Variants in MAPKAP1 observed in about 807,000 individuals in gnomAD.
MAPKAP1 encodes the protein MAPK associated protein 1.
Under a neutral mutation model 65.7 loss-of-function variants are expected in MAPKAP1, and 20 were observed. The ratio of observed to expected loss-of-function variants is 0.30; its 90% CI spans 0.21 to 0.44. The LOEUF (loss-of-function observed/expected upper bound fraction) is 0.44, where lower values mean the gene tolerates loss of function less well. Ranked by LOEUF, MAPKAP1 falls within the 20% of genes least tolerant of loss-of-function variation. MAPKAP1 has a pLI of 1.00. For synonymous variants in MAPKAP1, 222 were observed against 244.3 expected (o/e 0.91, Z 0.85); for missense variants, 423 against 648.0 (o/e 0.65, Z 3.77).
intron 6 of MAPKAP1, among the ~76,000 whole-genome samples, chr9:125,551,834 G>A (rs1830593795): frequency 1.3e-5 from 2 of 152,250 alleles, no homozygotes; most frequent in East Asian, 1.9e-4. Context: ...ATGGGAGAAG[G>A]AGACGAACAA....
chr9:125,669,882 T>C lies in MAPKAP1; in HGVS notation c.285A>G (p.Lys95=), dbSNP rs1834446442. 2 of 1,598,486 alleles carry C rather than the reference T, an allele frequency of 1.3e-6. No homozygotes were observed. Among genetic ancestry groups the C allele is most frequent in the African/African-American group, 1.3e-5 (1 of 74,684 alleles). Residue 95 remains lysine (K), a synonymous_variant, in exon 3 of 12, where the codon AAA becomes AAG. Coordinates refer to ENST00000265960, the MANE Select transcript of MAPKAP1 (RefSeq NM_001006617.3). ...TGCATTTGATCTGGTTTTGTCTCTC[T>C]TTTCGGAGTCGTTCTAATCTTTGAG... is the stretch of plus-strand genomic sequence containing the variant. ...NTAQRLERLR[K]ERQNQIKCKN...
At chr9:125,457,739 G>A (rs1047114537) in intron 10 of MAPKAP1, among the ~76,000 whole-genome samples, 7 of 152,206 alleles carry the variant, frequency 4.6e-5, no homozygotes, top group Non-Finnish European at 1.0e-4. Flanking sequence ...TCTAAGATAT[G>A]GCCTTCCTGG....
At chr9:125,582,623 T>C (rs947633865) in intron 5 of MAPKAP1, among the ~76,000 whole-genome samples, 2 of 152,200 alleles carry the variant, frequency 1.3e-5, no homozygotes, top group African/African-American at 4.8e-5. Context: ...AGGTCCTGGT[T>C]GCACTGCTCT....
chr9:125,612,035 T>C (rs1832615171), intron 4 of MAPKAP1, among the ~76,000 whole-genome samples: 1 of 152,204 alleles, frequency 6.6e-6, no homozygotes, highest in African/African-American at 2.4e-5. Flanking sequence ...GTAACCCTAA[T>C]CCAAAAATCC....
At chr9:125,618,609 A>C (rs1832811132) in intron 4 of MAPKAP1, among the ~76,000 whole-genome samples, 1 of 152,190 alleles carries the variant, frequency 6.6e-6, no homozygotes, top group South Asian at 2.1e-4. Flanking sequence ...GAATGGAAGA[A>C]AAAAGAATAC....
Position 125,438,860 on chromosome 9 carries a change from G to A in MAPKAP1, c.*27C>T, listed in dbSNP as rs3739767. On this transcript the variant is annotated 3_prime_UTR_variant, in exon 12 of 12. Transcript: ENST00000265960. ...CCCTGGCAGGCAGGCTCTGAGCTACGGAACAGATTGAGGCTGGAGGCCAGT... is the reference window on the plus strand; with the variant it reads ...CCCTGGCAGGCAGGCTCTGAGCTACAGAACAGATTGAGGCTGGAGGCCAGT... 265 of 1,613,876 alleles carry A rather than the reference G, an allele frequency of 1.6e-4. 1 individual carries two copies. In the East Asian group the frequency reaches 5.3e-3, roughly 32 times the overall value.
rs555232843 is a variant in MAPKAP1, at chr9:125,615,199, CAAT to C, written c.499-29475_499-29473del. Among the ~76,000 whole-genome samples, 398 of 152,010 alleles carry C rather than the reference CAAT, an allele frequency of 2.6e-3. 2 individuals are homozygous for C. Among genetic ancestry groups the C allele is most frequent in the Middle Eastern group, 0.014 (4 of 292 alleles). On this transcript the variant is annotated intron_variant, in intron 4 of 11. Transcript: ENST00000265960. ...AGGTATATGTGAATCAATCTAACAA[CAAT>C]GACAAACTATATATATATATGACTT...
At chr9:125,643,063 C>T (rs1356114111) in intron 4 of MAPKAP1, among the ~76,000 whole-genome samples, 2 of 151,850 alleles carry the variant, frequency 1.3e-5, no homozygotes, top group Non-Finnish European at 2.9e-5. Context: ...CCACGTCTGG[C>T]TAATTTTTGT....
At chr9:125,534,252 A>G (rs533698021) in intron 7 of MAPKAP1, among the ~76,000 whole-genome samples, 1 of 152,222 alleles carries the variant, frequency 6.6e-6, no homozygotes, top group African/African-American at 2.4e-5. Context: ...AAGAAAAAAA[A>G]CCCAAAGGAT....
intron 4 of MAPKAP1, among the ~76,000 whole-genome samples, chr9:125,641,439 G>A (rs1833574766): frequency 6.6e-6 from 1 of 152,004 alleles, no homozygotes; most frequent in African/African-American, 2.4e-5. Flanking sequence ...ACATTTCATT[G>A]TTTTAAAAAG....
chr9:125,480,164 T>TC (rs968397693), intron 9 of MAPKAP1, among the ~76,000 whole-genome samples: 3 of 152,068 alleles, frequency 2.0e-5, no homozygotes, highest in African/African-American at 7.2e-5. Flanking sequence ...GGAGAGAGGG[T>TC]CTTCAATTAC....
At chr9:125,555,916 C>T (rs991252416) in intron 6 of MAPKAP1, among the ~76,000 whole-genome samples, 2 of 152,108 alleles carry the variant, frequency 1.3e-5, no homozygotes, top group Non-Finnish European at 2.9e-5. Flanking sequence ...AAAACAAAGT[C>T]GGAGAAGAAA....
At chr9:125,609,918 G>GC (rs1832550933) in intron 4 of MAPKAP1, among the ~76,000 whole-genome samples, 1 of 152,074 alleles carries the variant, frequency 6.6e-6, no homozygotes, top group African/African-American at 2.4e-5. Context: ...CTTCAAAACA[G>GC]CCCCCACTTA....
chr9:125,644,145 C>T (rs911181985), intron 4 of MAPKAP1, among the ~76,000 whole-genome samples: 3 of 152,114 alleles, frequency 2.0e-5, no homozygotes, highest in African/African-American at 7.2e-5. Flanking sequence ...ACTGGGATGT[C>T]CTTAGAAGGA....
Position 125,702,776 on chromosome 9 carries a change from C to T in MAPKAP1, c.-70+4195G>A, listed in dbSNP as rs565875799. On this transcript the variant is annotated intron_variant, in intron 1 of 11. Coordinates refer to ENST00000265960, the MANE Select transcript of MAPKAP1 (RefSeq NM_001006617.3). Reference sequence around the variant, plus strand: ...CTGAGGCAAGAGAATCGCTTGAACCCGGGAGGCGGACATTGCAGTGAGCCA... The same window carrying T: ...CTGAGGCAAGAGAATCGCTTGAACCTGGGAGGCGGACATTGCAGTGAGCCA... 5.5e-4 allele frequency among the ~76,000 whole-genome samples: 84 copies of T among 151,524 alleles called. 1 individual carries two copies. The South Asian group carries it at 7.8e-3, about 14-fold the overall frequency.
intron 4 of MAPKAP1, among the ~76,000 whole-genome samples, chr9:125,657,342 CAT>C (rs200344781): frequency 1.3e-5 from 2 of 151,660 alleles, no homozygotes; most frequent in African/African-American, 2.4e-5. Flanking sequence ...TATACACACA[CAT>C]ATATATATGT....
intron 10 of MAPKAP1, among the ~76,000 whole-genome samples, chr9:125,446,969 G>T (rs1852740554): frequency 6.6e-6 from 1 of 152,156 alleles, no homozygotes; most frequent in Non-Finnish European, 1.5e-5. Flanking sequence ...GAAAGGAAGC[G>T]TTGACACTGT....
At chr9:125,543,442 ATT>A (rs751120452) in intron 6 of MAPKAP1, among the ~76,000 whole-genome samples, 15 of 134,504 alleles carry the variant, frequency 1.1e-4, no homozygotes, top group Non-Finnish European at 1.1e-4. Context: ...AATTTTTTGT[ATT>A]TTTTTTTTTT....
chr9:125,647,124 T>C (rs977425662), intron 4 of MAPKAP1, among the ~76,000 whole-genome samples: 1 of 152,206 alleles, frequency 6.6e-6, no homozygotes, highest in Admixed American at 6.5e-5. Context: ...AATGCACATA[T>C]AACAAATCAA....
Sources: allele counts gnomAD v4.1 joint callset (sites outside exome capture counted in the v4.1 genomes callset), GRCh38; gene constraint gnomAD v4.1.1; transcripts MANE v1.5; gene names NCBI Gene and HGNC (gene_info 2026-07-23, HGNC 2026-07-21).